The following CNOT1 variants were observed in gnomAD, a reference collection of about 807,000 sequenced individuals.
CNOT1 encodes CCR4-NOT transcription complex subunit 1.
In CNOT1, 15 loss-of-function variants were observed where a neutral mutation model predicts 273.8. The ratio of observed to expected loss-of-function variants is 0.05; its 90% CI spans 0.04 to 0.08. The LOEUF is 0.08. CNOT1 is among the 10% of genes least tolerant of loss of function. The pLI is 1.00. For synonymous variants in CNOT1, 1,022 were observed against 1,005.5 expected (o/e 1.02, Z -0.31); for missense variants, 1,644 against 2,912.2 (o/e 0.56, Z 10.02).
chr16:58,539,671 A>G (rs1449876511), intron 35 of CNOT1, 97 bp downstream of exon 35: 1 of 1,243,126 alleles, frequency 8.0e-7, no homozygotes, highest in African/African-American at 1.5e-5. Context: ...ATATTATGAA[A>G]TCTTAAGCAT....
rs542524779 is a variant in CNOT1, at chr16:58,570,590, C to T, written c.1979+4019G>A. Among the ~76,000 whole-genome samples the T allele has an allele frequency of 6.5e-4, 99 of 152,202 alleles. 2 individuals carry two copies. The South Asian group carries it at 0.018, about 28-fold the overall frequency. On this transcript the variant is annotated intron_variant, in intron 16 of 48. Transcript: ENST00000317147. ...TGCACTGAGCTGTGATCGTGTCCTG[C>T]GTGGGCAACAGAATGAAACCCTGTC...
chr16:58,601,570 A>C (rs1460392303), intron 1 of CNOT1, among the ~76,000 whole-genome samples: 2 of 152,160 alleles, frequency 1.3e-5, no homozygotes, highest in Admixed American at 1.3e-4. Context: ...AACCCCTTTA[A>C]AAGGCCATTT....
At chr16:58,575,805 A>G (rs924082304) in intron 14 of CNOT1, among the ~76,000 whole-genome samples, 1 of 152,188 alleles carries the variant, frequency 6.6e-6, no homozygotes, top group Non-Finnish European at 1.5e-5. Context: ...CTCCAAAAAA[A>G]AAAGATATAG....
intron 24 of CNOT1, among the ~76,000 whole-genome samples, chr16:58,550,291 T>G (rs1376057009): frequency 6.6e-6 from 1 of 152,226 alleles, no homozygotes; most frequent in Admixed American, 6.5e-5. Flanking sequence ...CTCTGGCGTT[T>G]CCAAGTACAG....
chr16:58,539,875 T>C lies in CNOT1; in HGVS notation c.4885A>G (p.Thr1629Ala), dbSNP rs1449920578. 2 of 1,614,036 alleles carry C rather than the reference T, an allele frequency of 1.2e-6. No homozygotes were observed. The highest frequency in any genetic ancestry group is 1.7e-6 in the Non-Finnish European group (2 of 1,179,996). ...TGAGCTTGAGGGTTCATGGCCAAAGTTGGTGGGATGGCATGTAGATGTTGC... is the reference window on the plus strand; with the variant it reads ...TGAGCTTGAGGGTTCATGGCCAAAGCTGGTGGGATGGCATGTAGATGTTGC... ...LEQHLHAIPP[T>A]LAMNPQAQAL... Residue 1629 changes from threonine to alanine, a missense_variant, in exon 35 of 49, where the codon ACT becomes GCT. By Grantham distance (58) the Thr-to-Ala change is moderately conservative. Coordinates refer to ENST00000317147, the MANE Select transcript of CNOT1 (RefSeq NM_016284.5).
chr16:58,597,455 A>G (rs1213496898), intron 2 of CNOT1: 2 of 190,406 alleles, frequency 1.1e-5, no homozygotes, highest in African/African-American at 4.8e-5. Context: ...AGCCTGAGTG[A>G]CAGAGTGAAA....
At chr16:58,625,728 A>C (rs914396533) in intron 1 of CNOT1, among the ~76,000 whole-genome samples, 1 of 151,678 alleles carries the variant, frequency 6.6e-6, no homozygotes, top group African/African-American at 2.4e-5. Context: ...TGTGGTTAGC[A>C]TGCACCTGTA....
chr16:58,522,007 G>A (rs1241458663), intron 47 of CNOT1, among the ~76,000 whole-genome samples: 1 of 150,948 alleles, frequency 6.6e-6, no homozygotes, highest in African/African-American at 2.4e-5. Flanking sequence ...AAAGGAAACA[G>A]AAAATAAGAA....
rs759746323 is a variant in CNOT1, at chr16:58,543,763, C to T, written c.4278G>A (p.Lys1426=). The T allele has an allele frequency of 1.9e-6, 3 of 1,614,142 alleles. No individual in the cohort carries two copies. The South Asian group carries it at 3.3e-5, about 18-fold the overall frequency. Reference sequence around the variant, plus strand: ...ATTCCTCCGAATCCAGGGCAAAATCCTTCCTGACTATTTGCTCACAAGTAG... The same window carrying T: ...ATTCCTCCGAATCCAGGGCAAAATCTTTCCTGACTATTTGCTCACAAGTAG... ...AMTTCEQIVR[K]DFALDSEESR... is the part of the protein sequence containing the mutation. Residue 1426 remains lysine, a synonymous_variant, in exon 31 of 49, where the codon AAG becomes AAA. Coordinates refer to ENST00000317147, the MANE Select transcript of CNOT1 (RefSeq NM_016284.5).
intron 10 of CNOT1, among the ~76,000 whole-genome samples, chr16:58,581,933 G>C (rs2041672075): frequency 6.6e-6 from 1 of 151,986 alleles, no homozygotes; most frequent in Non-Finnish European, 1.5e-5. Flanking sequence ...AAAATGCTGG[G>C]ATTACAGGAG....
chr16:58,596,887 CAAAAAAAAAAAAAAAAAAA>C (rs58567423), intron 2 of CNOT1, among the ~76,000 whole-genome samples: 1 of 69,986 alleles, frequency 1.4e-5, no homozygotes, highest in African/African-American at 6.0e-5. Context: ...GACTCCGTCT[CAAAAAAAAAAAAAAAAAAA>C]AAAAAAAAAA....
chr16:58,573,550 G>A lies in CNOT1; in HGVS notation c.1979+1059C>T, dbSNP rs543339218. On this transcript the variant is annotated intron_variant, in intron 16 of 48. Transcript: ENST00000317147. ...GGCTGGAGTGCAGTGGCGAGATCTC[G>A]GCTCACTACAAGCTCTGCCTCCTGG... is the stretch of plus-strand genomic sequence containing the variant. Among the ~76,000 whole-genome samples the A allele has an allele frequency of 5.5e-5, 8 of 145,312 alleles. No homozygotes were observed. In the East Asian group the frequency reaches 1.5e-3, roughly 27 times the overall value.
intron 17 of CNOT1, chr16:58,559,878 T>C (rs368057613): frequency 1.2e-5 from 7 of 572,230 alleles, no homozygotes; most frequent in Admixed American, 5.8e-5. Context: ...TCTAGCACTG[T>C]TGCTTGGCCC....
intron 16 of CNOT1, among the ~76,000 whole-genome samples, chr16:58,562,742 G>A (rs1011808221): frequency 6.6e-6 from 1 of 152,040 alleles, no homozygotes; most frequent in African/African-American, 2.4e-5. Flanking sequence ...AGAATCGCTT[G>A]AACCCGGGAG....
chr16:58,586,522 G>A, intron 7 of CNOT1, 23 bp downstream of exon 7: 3 of 1,604,762 alleles, frequency 1.9e-6, no homozygotes, highest in Non-Finnish European at 2.5e-6. Context: ...ACCACCCACT[G>A]TAGGCTACAA....
chr16:58,535,715 A>G (rs1389124676), intron 39 of CNOT1, among the ~76,000 whole-genome samples: 1 of 152,120 alleles, frequency 6.6e-6, no homozygotes, highest in Non-Finnish European at 1.5e-5. Context: ...CATTTTGAAA[A>G]GTAAACCTAA....
At position 58,580,774 on chromosome 16, in the gene CNOT1, A is replaced by C; in HGVS notation, c.1216-14T>G. The C allele has an allele frequency of 6.2e-7, 1 of 1,602,394 alleles. No individual in the cohort carries two copies. Among genetic ancestry groups the C allele is most frequent in the African/African-American group, 1.3e-5 (1 of 74,572 alleles). On this transcript the variant is annotated splice_polypyrimidine_tract_variant and intron_variant, in intron 11 of 48. Coordinates refer to ENST00000317147, the MANE Select transcript of CNOT1 (RefSeq NM_016284.5). ...AATGAAGGAGAGCTGCAATGAAAGAAAATGCTTACCACCATAAATGATTGT... is the reference window on the plus strand; with the variant it reads ...AATGAAGGAGAGCTGCAATGAAAGACAATGCTTACCACCATAAATGATTGT...
intron 2 of CNOT1, among the ~76,000 whole-genome samples, chr16:58,598,700 G>C (rs1415139144): frequency 6.6e-6 from 1 of 151,430 alleles, no homozygotes; most frequent in Non-Finnish European, 1.5e-5. Context: ...CTGAGCACCA[G>C]CCCAAAGCCA....
At chr16:58,603,138 G>T (rs1455589053) in intron 1 of CNOT1, among the ~76,000 whole-genome samples, 1 of 152,212 alleles carries the variant, frequency 6.6e-6, no homozygotes, top group East Asian at 1.9e-4. Flanking sequence ...CTCTCACCTG[G>T]ATTACTATGC....
Sources: allele counts gnomAD v4.1 joint callset (sites outside exome capture counted in the v4.1 genomes callset), GRCh38; gene constraint gnomAD v4.1.1; transcripts MANE v1.5; gene names NCBI Gene and HGNC (gene_info 2026-07-23, HGNC 2026-07-21).